The following NEMF variants were observed in gnomAD, a reference collection of about 807,000 sequenced individuals.
The protein encoded by NEMF is ribosome quality control complex subunit NEMF.
NEMF carries 89 observed loss-of-function variants against 162.2 expected under a neutral mutation model. The observed-to-expected ratio is 0.55, with a 90% CI of 0.46 to 0.65. NEMF has a LOEUF of 0.65. Ranked by LOEUF, NEMF falls within the 30% of genes least tolerant of loss-of-function variation. The probability of loss-of-function intolerance (pLI) is 0.00; values close to 1 mark genes in which losing one functional copy is unlikely to be tolerated. For missense variants in NEMF, 1,133 were observed against 1,261.9 expected (o/e 0.90, Z 1.55); for synonymous variants, 421 against 404.5 (o/e 1.04, Z -0.49).
intron 18 of NEMF, among the ~76,000 whole-genome samples, chr14:49,810,421 C>A (rs1020429682): frequency 6.6e-6 from 1 of 151,982 alleles, no homozygotes; most frequent in Non-Finnish European, 1.5e-5. Flanking sequence ...GAAATTCTAT[C>A]CCCATTGGTC....
rs537708207 is a variant in NEMF at position 49,797,124 on chromosome 14, G to T, written c.2466-1180C>A. On this transcript the variant is annotated intron_variant, in intron 25 of 32. Transcript: ENST00000298310. Reference sequence around the variant, plus strand: ...TATACTTCACCTCTTTGTATACTCAGTAAGTATCTAGCACAGGGCTATGTG... The same window carrying T: ...TATACTTCACCTCTTTGTATACTCATTAAGTATCTAGCACAGGGCTATGTG... Among the ~76,000 whole-genome samples, 16 of 152,270 alleles carry T rather than the reference G, an allele frequency of 1.1e-4. No individual in the cohort carries two copies. The South Asian group carries it at 3.3e-3, about 32-fold the overall frequency.
chr14:49,834,599 C>T, intron 6 of NEMF, 150 bp from the exon 7 acceptor site: 3 of 555,360 alleles, frequency 5.4e-6, no homozygotes, highest in Non-Finnish European at 9.8e-6. Flanking sequence ...CCTCCTGCCT[C>T]AGCCTCCTGA....
chr14:49,788,626 C>T (rs1430972388), intron 28 of NEMF, among the ~76,000 whole-genome samples: 12 of 148,572 alleles, frequency 8.1e-5, no homozygotes, highest in African/African-American at 1.0e-4. Flanking sequence ...GGCACAATCT[C>T]GGCTCACTGC....
intron 3 of NEMF, among the ~76,000 whole-genome samples, 190 bp downstream of exon 3, chr14:49,851,373 A>G (rs11851420): frequency 0.022 from 3,372 of 152,370 alleles, 141 homozygotes; most frequent in African/African-American, 0.076. Flanking sequence ...GGAGCAGAAC[A>G]GGATGTGAAA....
chr14:49,807,591 GA>G (rs1422125680), intron 18 of NEMF, among the ~76,000 whole-genome samples: 4 of 145,378 alleles, frequency 2.8e-5, no homozygotes, highest in East Asian at 2.0e-4. Flanking sequence ...GGTATCTTGT[GA>G]TTTTTTTTTT....
At chr14:49,806,232 GTATATATATA>G (rs67644205) in intron 18 of NEMF, 99 bp from the exon 19 acceptor site, 9 of 36,268 alleles carry the variant, frequency 2.5e-4, no homozygotes, top group Non-Finnish European at 4.1e-4. Context: ...AATGATATGT[GTATATATATA>G]TATATATATA....
At chr14:49,841,496 C>A (rs1476811097) in intron 4 of NEMF, among the ~76,000 whole-genome samples, 1 of 148,552 alleles carries the variant, frequency 6.7e-6, no homozygotes, top group African/African-American at 2.5e-5. Context: ...ATCGCTTGAA[C>A]CTGGGAGGTG....
At chr14:49,844,384 G>A (rs1190715674) in intron 4 of NEMF, among the ~76,000 whole-genome samples, 8 of 152,282 alleles carry the variant, frequency 5.3e-5, no homozygotes, top group East Asian at 3.9e-4. Flanking sequence ...ATGCTCACTC[G>A]CATACTGCTC....
chr14:49,841,107 G>C (rs542139256), intron 4 of NEMF, among the ~76,000 whole-genome samples: 1 of 141,330 alleles, frequency 7.1e-6, no homozygotes, highest in African/African-American at 2.6e-5. Context: ...TGAAGCAGGA[G>C]AATCACTTGA....
intron 16 of NEMF, among the ~76,000 whole-genome samples, chr14:49,821,843 C>T (rs1892075777): frequency 6.6e-6 from 1 of 151,974 alleles, no homozygotes; most frequent in African/African-American, 2.4e-5. Context: ...GCCATGATGA[C>T]AATGGCGGTT....
intron 28 of NEMF, among the ~76,000 whole-genome samples, chr14:49,788,147 T>C (rs4537920): frequency 0.77 from 117,126 of 151,890 alleles, 45,749 homozygotes; most frequent in East Asian, 0.98. Flanking sequence ...GGCGTGATGG[T>C]GCATGCTTGT....
At chr14:49,810,624 G>A (rs561888693) in intron 18 of NEMF, among the ~76,000 whole-genome samples, 15 of 152,068 alleles carry the variant, frequency 9.9e-5, no homozygotes, top group Admixed American at 5.9e-4. Context: ...TACTGCTTTC[G>A]CTAATCTGAG....
At chr14:49,814,101 T>C (rs778917373) in intron 17 of NEMF, 51 bp from the exon 18 acceptor site, 1 of 1,139,260 alleles carries the variant, frequency 8.8e-7, no homozygotes, top group Non-Finnish European at 1.3e-6. Flanking sequence ...ATTATTCTTT[T>C]TTCCTTTTTT....
chr14:49,806,549 C>T (rs1594750951), intron 18 of NEMF, among the ~76,000 whole-genome samples: 1 of 151,386 alleles, frequency 6.6e-6, no homozygotes, highest in South Asian at 2.1e-4. Context: ...CATGAGCCAC[C>T]GAACCCGGCC....
chr14:49,852,757 G>C lies in NEMF; in HGVS notation c.-4C>G. The C allele has an allele frequency of 6.2e-7, 1 of 1,614,182 alleles. No homozygotes were observed. The highest frequency in any genetic ancestry group is 8.5e-7 in the Non-Finnish European group (1 of 1,180,022). ...TGGTGCTAAAGCGGCTCTTCATGGCGAGGCCCGAGGGTCACTACCGCAAGT... is the reference window on the plus strand; with the variant it reads ...TGGTGCTAAAGCGGCTCTTCATGGCCAGGCCCGAGGGTCACTACCGCAAGT... On this transcript the variant is annotated 5_prime_UTR_variant, in exon 1 of 33. Transcript: ENST00000298310.
Position 49,806,171 on chromosome 14 carries a change from TG to T in NEMF, c.1745-39del, listed in dbSNP as rs1891178687. 7.5e-6 allele frequency: 11 copies of T among 1,461,494 alleles called. No individual in the cohort carries two copies. The East Asian group carries it at 2.7e-4, about 36-fold the overall frequency. 90.5% of individuals were successfully genotyped at this position (1,461,494 alleles called of 1,614,324 possible). A position where few individuals can be genotyped will look rare whatever the true frequency, so the allele number is the denominator to read the frequency against. On this transcript the variant is annotated intron_variant, in intron 18 of 32. Coordinates refer to ENST00000298310, the MANE Select transcript of NEMF (RefSeq NM_004713.6). Reference sequence around the variant, plus strand: ...TGCATAATGTTTCAATACCAAAGTATGGACTTTCTCCAGAGCAAGATATGAA... The same window carrying T: ...TGCATAATGTTTCAATACCAAAGTATGACTTTCTCCAGAGCAAGATATGAA...
chr14:49,784,835 A>G, intron 32 of NEMF, 90 bp downstream of exon 32: 3 of 1,404,836 alleles, frequency 2.1e-6, no homozygotes, highest in Non-Finnish European at 3.0e-6. Context: ...TTCTAATAAG[A>G]CAGCATTTTC....
chr14:49,831,037 T>C (rs535328672), intron 11 of NEMF, among the ~76,000 whole-genome samples: 2 of 152,198 alleles, frequency 1.3e-5, no homozygotes, highest in Non-Finnish European at 2.9e-5. Context: ...AAGGTGTAAA[T>C]AACAGGCCTC....
In NEMF at chr14:49,814,045, T is replaced by C. The variant is rs1437738889; in HGVS notation, c.1687A>G (p.Ile563Val). 4 of 1,530,566 alleles carry C rather than the reference T, an allele frequency of 2.6e-6. No homozygotes were observed. The highest frequency in any genetic ancestry group is 2.2e-5 in the South Asian group (2 of 89,342). 94.8% of individuals were successfully genotyped at this position (1,530,566 alleles called of 1,614,324 possible). Residue 563 changes from isoleucine (I) to valine (V), a missense_variant, in exon 18 of 33, where the codon ATT (isoleucine) becomes GTT (valine). Physicochemically the swap from Ile to Val is conservative, Grantham distance 29 (BLOSUM62 3). Around this residue, in one of 3 missense-constraint regions of NEMF, gnomAD observed 19 missense variants for 51.8 expected, o/e 0.37. Coordinates refer to ENST00000298310, the MANE Select transcript of NEMF (RefSeq NM_004713.6). ...CCATGAAGATCAGCATGTACATAAA[T>C]GTCTCCTTAAATACAGACAAATAAA... ...IVKRYLTPGD[I>V]YVHADLHGAT...
Sources: gnomAD v4.1 joint callset for allele counts (sites outside exome capture counted in the v4.1 genomes callset) on GRCh38, gnomAD v4.1.1 for gene constraint, gnomAD v4.1.1 regional missense constraint, MANE v1.5 for transcripts, NCBI Gene and HGNC (gene_info 2026-07-23, HGNC 2026-07-21) for gene names.